MAGI1: variants seen among roughly 807,000 people sequenced by gnomAD.
MAGI1 encodes membrane associated guanylate kinase, WW and PDZ domain containing 1.
A neutral mutation model predicts 139.9 loss-of-function variants in MAGI1; 58 were observed. The observed-to-expected ratio is 0.41, with a 90% CI of 0.34 to 0.52. The LOEUF is 0.52. Among genes scored for constraint, MAGI1 ranks in the 20% least tolerant of loss-of-function variants. The pLI is 0.12. For synonymous variants in MAGI1, 812 were observed against 737.9 expected, an observed-to-expected ratio of 1.10 and a Z score of -1.63; for missense variants, 1,874 against 1,901.6, an observed-to-expected ratio of 0.99 and a Z score of 0.27.
At chr3:65,831,366 A>C (rs1025760923) in intron 1 of MAGI1, among the ~76,000 whole-genome samples, 3 of 152,238 alleles carry the variant, frequency 2.0e-5, no homozygotes, top group African/African-American at 7.2e-5. Context: ...TGCATCAAAA[A>C]CTAAAACAAG....
intron 6 of MAGI1, among the ~76,000 whole-genome samples, chr3:65,452,023 C>T (rs1052052078): frequency 6.6e-6 from 1 of 152,124 alleles, no homozygotes; most frequent in African/African-American, 2.4e-5. Flanking sequence ...AAACAGAATA[C>T]TGAAATAATC....
chr3:65,490,389 C>T (rs995266313), intron 3 of MAGI1, among the ~76,000 whole-genome samples: 1 of 152,156 alleles, frequency 6.6e-6, no homozygotes, highest in Non-Finnish European at 1.5e-5. Context: ...TAGACAGCAG[C>T]CACCATCAGG....
chr3:65,656,800 C>A (rs1249372426), intron 1 of MAGI1, among the ~76,000 whole-genome samples: 5 of 151,830 alleles, frequency 3.3e-5, no homozygotes, highest in African/African-American at 1.2e-4. Flanking sequence ...GAGTTCGAGA[C>A]CAGCTTGGCC....
intron 1 of MAGI1, among the ~76,000 whole-genome samples, chr3:65,712,455 G>GA (rs759022188): frequency 0.038 from 3,358 of 87,710 alleles, 56 homozygotes; most frequent in Middle Eastern, 0.098. Context: ...CCCCAAGCAA[G>GA]AAAAAAAAAA....
intron 12 of MAGI1, among the ~76,000 whole-genome samples, chr3:65,414,791 T>C (rs1330174072): frequency 6.6e-6 from 1 of 150,990 alleles, no homozygotes; most frequent in Non-Finnish European, 1.5e-5. Context: ...CCCAGTACCT[T>C]GGGAGGCCGA....
At chr3:65,612,477 A>G (rs2083174174) in intron 2 of MAGI1, among the ~76,000 whole-genome samples, 1 of 152,118 alleles carries the variant, frequency 6.6e-6, no homozygotes, top group Admixed American at 6.6e-5. Flanking sequence ...AAAAATAATG[A>G]TGTGTTATTG....
At chr3:65,901,110 T>C (rs1264849735) in intron 1 of MAGI1, among the ~76,000 whole-genome samples, 1 of 152,222 alleles carries the variant, frequency 6.6e-6, no homozygotes, top group African/African-American at 2.4e-5. Flanking sequence ...ACAGTAAACA[T>C]CCTCTTTTTA....
chr3:65,393,266 C>T (rs1282522500), intron 13 of MAGI1, among the ~76,000 whole-genome samples: 2 of 152,132 alleles, frequency 1.3e-5, no homozygotes, highest in Non-Finnish European at 2.9e-5. Context: ...TTTTCCCCCC[C>T]TCTTCAATGT....
At chr3:65,786,023 G>T (rs1413643842) in intron 1 of MAGI1, among the ~76,000 whole-genome samples, 1 of 150,668 alleles carries the variant, frequency 6.6e-6, no homozygotes, top group Non-Finnish European at 1.5e-5. Context: ...TGCAACCTCT[G>T]CTCACTGCTG....
intron 1 of MAGI1, among the ~76,000 whole-genome samples, chr3:65,654,402 T>C (rs1055023510): frequency 2.0e-5 from 3 of 152,212 alleles, no homozygotes; most frequent in Admixed American, 2.0e-4. Flanking sequence ...TGAATATTAG[T>C]GCCTGTGTGC....
chr3:65,912,427 C>T (rs776636708), intron 1 of MAGI1, among the ~76,000 whole-genome samples: 2 of 152,134 alleles, frequency 1.3e-5, no homozygotes, highest in Non-Finnish European at 2.9e-5. Context: ...ACACATGGAT[C>T]ATTACGATTC....
intron 1 of MAGI1, among the ~76,000 whole-genome samples, chr3:65,807,146 G>C (rs1241280227): frequency 6.6e-6 from 1 of 152,190 alleles, no homozygotes; most frequent in African/African-American, 2.4e-5. Context: ...AGGTCACACA[G>C]TAAGATGCTG....
chr3:65,576,260 A>T (rs539149581), intron 2 of MAGI1, among the ~76,000 whole-genome samples: 2 of 152,342 alleles, frequency 1.3e-5, no homozygotes, highest in South Asian at 4.1e-4. Flanking sequence ...AACCTGTTTG[A>T]TAATAATTCT....
chr3:65,568,912 A>T (rs2080810644), intron 2 of MAGI1, among the ~76,000 whole-genome samples: 1 of 152,200 alleles, frequency 6.6e-6, no homozygotes, highest in East Asian at 1.9e-4. Flanking sequence ...ATCCACGTAT[A>T]ATTTTATTTT....
At chr3:66,018,866 T>A (rs563433576) in intron 1 of MAGI1, among the ~76,000 whole-genome samples, 1 of 152,308 alleles carries the variant, frequency 6.6e-6, no homozygotes, top group South Asian at 2.1e-4. Context: ...CTCTCGCTCT[T>A]CCCTTTGGGA....
intron 2 of MAGI1, among the ~76,000 whole-genome samples, chr3:65,556,130 A>C (rs1265447695): frequency 1.3e-5 from 2 of 152,188 alleles, no homozygotes; most frequent in Admixed American, 6.5e-5. Flanking sequence ...GAACTAGTAC[A>C]TCCCAATGGA....
At chr3:65,508,118 A>G (rs1258603029) in intron 2 of MAGI1, among the ~76,000 whole-genome samples, 1 of 152,182 alleles carries the variant, frequency 6.6e-6, no homozygotes, top group Non-Finnish European at 1.5e-5. Flanking sequence ...TAAAAAATAA[A>G]ATCGGCCGGG....
chr3:65,984,497 T>A (rs1282465912), intron 1 of MAGI1, among the ~76,000 whole-genome samples: 1 of 145,030 alleles, frequency 6.9e-6, no homozygotes, highest in African/African-American at 2.6e-5. Context: ...TTTAATATAA[T>A]ATTTTCAAAA....
At chr3:65,848,718 T>A (rs2059094741) in intron 1 of MAGI1, among the ~76,000 whole-genome samples, 3 of 152,166 alleles carry the variant, frequency 2.0e-5, no homozygotes, top group African/African-American at 7.2e-5. Flanking sequence ...AGGCCTGAGT[T>A]TGAGCCCAGT....
Sources: allele counts gnomAD v4.1 joint callset (sites outside exome capture counted in the v4.1 genomes callset), GRCh38; gene constraint gnomAD v4.1.1; transcripts MANE v1.5; gene names NCBI Gene and HGNC (gene_info 2026-07-23, HGNC 2026-07-21).